The following PARP14 variants were observed in gnomAD, a reference collection of about 807,000 sequenced individuals.
PARP14 encodes protein mono-ADP-ribosyltransferase PARP14.
Under a neutral mutation model 154.2 loss-of-function variants are expected in PARP14, and 59 were observed. The observed-to-expected ratio is 0.38, with a 90% CI of 0.31 to 0.48. The LOEUF (loss-of-function observed/expected upper bound fraction) is 0.48. Among genes scored for constraint, PARP14 ranks in the 20% least tolerant of loss-of-function variants. PARP14 has a pLI of 0.98. For missense variants in PARP14, 1,734 were observed against 2,131.6 expected (o/e 0.81, Z 3.67); for synonymous variants, 720 against 780.5 (o/e 0.92, Z 1.29).
rs139886591 is a variant in PARP14, at chr3:122,691,397, G to A, written c.356-904G>A. On this transcript the variant is annotated intron_variant, in intron 3 of 16. Coordinates refer to ENST00000474629, the MANE Select transcript of PARP14 (RefSeq NM_017554.3). The stretch of plus-strand genomic sequence containing the variant: ...TGTGTATGTGTAACTCATTTTTACA[G>A]TCAACAGTGGAGAGGAATGAGTCAG... Among the ~76,000 whole-genome samples the A allele has an allele frequency of 1.2e-4, 18 of 152,338 alleles. No individual in the cohort carries two copies. The East Asian group carries it at 3.3e-3, about 28-fold the overall frequency.
chr3:122,721,228 C>A, intron 15 of PARP14: 1 of 230,058 alleles, frequency 4.3e-6, no homozygotes. Flanking sequence ...CAATAGCTCC[C>A]AAATCAACAT....
Position 122,680,959 on chromosome 3 carries a change from A to G in PARP14, c.76A>G (p.Lys26Glu). Residue 26 changes from lysine to glutamate, a missense_variant, in exon 1 of 17, where the codon AAG (lysine) becomes GAG (glutamate). By Grantham distance (56) the Lys-to-Glu change is moderately conservative. This residue lies in a region of PARP14 where 1,646 missense variants were observed against 1,976.0 expected (regional missense o/e 0.83). Coordinates refer to ENST00000474629, the MANE Select transcript of PARP14 (RefSeq NM_017554.3). ...CGACCCCCCGAAGAACTTGAACACCAAGTTGCAGATGTACTTCCAGAGCCC... is the reference window on the plus strand; with the variant it reads ...CGACCCCCCGAAGAACTTGAACACCGAGTTGCAGATGTACTTCCAGAGCCC... ...GPDPPKNLNTKLQMYFQSPKR... is the reference protein window; with the variant it reads ...GPDPPKNLNTELQMYFQSPKR... 6.2e-7 allele frequency: 1 copy of G among 1,613,574 alleles called. No individual in the cohort carries two copies. The highest frequency in any genetic ancestry group is 8.5e-7 in the Non-Finnish European group (1 of 1,179,648).
chr3:122,719,849 A>C (rs551350834), intron 14 of PARP14, among the ~76,000 whole-genome samples: 48 of 152,326 alleles, frequency 3.2e-4, no homozygotes, highest in African/African-American at 1.1e-3. Flanking sequence ...TCTGGCAAAA[A>C]TCCATGCACA....
Position 122,728,460 on chromosome 3 carries a change from G to C in PARP14, c.5269G>C (p.Val1757Leu), listed in dbSNP as rs1406476791. The C allele has an allele frequency of 6.2e-7, 1 of 1,613,776 alleles. No individual in the cohort carries two copies. Among genetic ancestry groups the C allele is most frequent in the Non-Finnish European group, 8.5e-7 (1 of 1,179,846 alleles). Residue 1757 changes from valine (V) to leucine (L), a missense_variant, in exon 17 of 17, where the codon GTG becomes CTG. This residue lies in a region of PARP14 where 88 missense variants were observed against 155.6 expected (regional missense o/e 0.57). Transcript: ENST00000474629. Reference protein sequence around the residue: ...IYTHGNHSLIVPPSKNPQNPT... With the variant: ...IYTHGNHSLILPPSKNPQNPT... ...TACACATGGAAATCATTCATTAATT[G>C]TGCCTCCTTCAAAGAACCCTCAAAA...
chr3:122,682,086 G>C (rs790106), intron 1 of PARP14, among the ~76,000 whole-genome samples: 34,151 of 152,150 alleles, frequency 0.22, 5,257 homozygotes, highest in East Asian at 0.48. Flanking sequence ...ATGGCGCACA[G>C]AAGGAAGGAA....
chr3:122,690,869 G>C (rs189130730), intron 3 of PARP14, among the ~76,000 whole-genome samples: 31 of 152,328 alleles, frequency 2.0e-4, no homozygotes, highest in Middle Eastern at 3.4e-3. Context: ...CAGCTGTGAT[G>C]GTGGTGGGAG....
chr3:122,723,186 C>G (rs770069488), intron 15 of PARP14, among the ~76,000 whole-genome samples: 4 of 152,052 alleles, frequency 2.6e-5, no homozygotes, highest in East Asian at 1.9e-4. Context: ...GTGATCCCCC[C>G]GCCTGGGCCT....
chr3:122,692,479 T>A lies in PARP14; in HGVS notation c.534T>A (p.Asp178Glu). ...AGAACATAAGTGGCCTGTCTAATGATGACTTTCAAGTGGAAATAATAAGAG... is the reference window on the plus strand; with the variant it reads ...AGAACATAAGTGGCCTGTCTAATGAAGACTTTCAAGTGGAAATAATAAGAG... ...LVENISGLSNDDFQVEIIRDF... is the reference protein window; with the variant it reads ...LVENISGLSNEDFQVEIIRDF... Residue 178 changes from aspartate (D) to glutamate (E), a missense_variant, in exon 4 of 17, where the codon GAT (aspartate) becomes GAA (glutamate). Asp to Glu is a conservative substitution (Grantham distance 45). Coordinates refer to ENST00000474629, the MANE Select transcript of PARP14 (RefSeq NM_017554.3). 1.9e-6 allele frequency: 3 copies of A among 1,613,212 alleles called. No homozygotes were observed. Among genetic ancestry groups the A allele is most frequent in the Non-Finnish European group, 2.5e-6 (3 of 1,179,238 alleles).
chr3:122,728,871 G>A lies in PARP14; in HGVS notation c.*274G>A. On this transcript the variant is annotated 3_prime_UTR_variant, in exon 17 of 17. Transcript: ENST00000474629. ...ACATCAAATCTGTGGGAAAAGAACA[G>A]GTTTGTATTTTCAGGAAGGAGAGAA... 2.7e-6 allele frequency: 1 copy of A among 370,060 alleles called. No individual in the cohort carries two copies. Among genetic ancestry groups the A allele is most frequent in the South Asian group, 2.9e-5 (1 of 34,682 alleles). 22.9% of individuals were successfully genotyped at this position (370,060 alleles called of 1,614,324 possible).
chr3:122,693,746 T>C (rs1032094264), intron 4 of PARP14, among the ~76,000 whole-genome samples: 2 of 149,830 alleles, frequency 1.3e-5, no homozygotes, highest in African/African-American at 4.9e-5. Context: ...GAGGCTGAGG[T>C]GGAAGGATCA....
chr3:122,720,162 G>C, intron 14 of PARP14, 93 bp from the exon 15 acceptor site: 1 of 1,260,976 alleles, frequency 7.9e-7, no homozygotes, highest in South Asian at 1.3e-5. Flanking sequence ...TGAATGCTTA[G>C]AATTGGGAGA....
intron 12 of PARP14, among the ~76,000 whole-genome samples, 189 bp downstream of exon 12, chr3:122,714,618 AAG>A (rs1932938414): frequency 6.6e-6 from 1 of 152,196 alleles, no homozygotes; most frequent in Non-Finnish European, 1.5e-5. Flanking sequence ...GTTTGAGTAA[AAG>A]AGGGACAAAA....
chr3:122,718,157 G>GATCC lies in PARP14; in HGVS notation c.4087_4088insATCC (p.Val1363AspfsTer6). ...TGTCCAGAAAGGATCAGCCCAGTCT[G>GATCC]TGAAAAAAGTTAAAGTTGTTATCTT... On this transcript the variant is annotated frameshift_variant, in exon 13 of 17. Coordinates refer to ENST00000474629, the MANE Select transcript of PARP14 (RefSeq NM_017554.3). LOFTEE classifies it high-confidence loss of function. 6.2e-7 allele frequency: 1 copy of GATCC among 1,613,764 alleles called. No homozygotes were observed.
intron 12 of PARP14, 33 bp downstream of exon 12, chr3:122,714,462 C>T (rs1447382268): frequency 6.0e-6 from 9 of 1,503,552 alleles, no homozygotes; most frequent in Non-Finnish European, 7.1e-6. Context: ...GGCTAAATCC[C>T]AAGCCATCTA....
In PARP14 at chr3:122,730,369, G is replaced by A. The variant is rs556465866; in HGVS notation, c.*1772G>A. On this transcript the variant is annotated 3_prime_UTR_variant, in exon 17 of 17. Transcript: ENST00000474629. ...CTTCATTGGAAGCTCTGTAGGCCAA[G>A]GCCAGAGCTGATACTGACACGGAGC... The A allele has an allele frequency of 6.6e-6, 1 of 152,342 alleles. No homozygotes were observed. Among genetic ancestry groups the A allele is most frequent in the East Asian group, 1.9e-4 (1 of 5,190 alleles). 9.4% of individuals were successfully genotyped at this position (152,342 alleles called of 1,614,324 possible).
Position 122,718,740 on chromosome 3 carries a change from G to C in PARP14, c.4589G>C (p.Cys1530Ser), listed in dbSNP as rs760901456. ...LAKEQESRADCISEFIEWQYN... is the reference protein window; with the variant it reads ...LAKEQESRADSISEFIEWQYN... The stretch of plus-strand genomic sequence containing the variant: ...AAAGAACAGGAATCCCGGGCAGATT[G>C]TATCAGTGAGTTTATAGAATGGCAG... The change falls in exon 14 of 17, where the codon TGT becomes TCT. Residue 1530 changes from cysteine to serine, a missense_variant. Physicochemically the swap from Cys to Ser is moderately radical, Grantham distance 112 (BLOSUM62 -1). Coordinates refer to ENST00000474629, the MANE Select transcript of PARP14 (RefSeq NM_017554.3). The C allele has an allele frequency of 2.0e-5, 32 of 1,613,304 alleles. No individual in the cohort carries two copies. Among genetic ancestry groups the C allele is most frequent in the Non-Finnish European group, 2.7e-5 (32 of 1,179,622 alleles).
At chr3:122,715,595 C>CATCTATCTATCTATCTATCT (rs56863397) in intron 12 of PARP14, among the ~76,000 whole-genome samples, 5 of 142,468 alleles carry the variant, frequency 3.5e-5, no homozygotes, top group South Asian at 2.3e-4. Context: ...CTCTACCAGT[C>CATCTATCTATCTATCTATCT]ATCTATCTAT....
At chr3:122,723,102 AT>A (rs975776945) in intron 15 of PARP14, among the ~76,000 whole-genome samples, 2 of 150,948 alleles carry the variant, frequency 1.3e-5, no homozygotes, top group East Asian at 1.9e-4. Flanking sequence ...CACCCGGCTA[AT>A]TTTTTTTTGT....
chr3:122,723,913 C>CA (rs138328130), intron 15 of PARP14, among the ~76,000 whole-genome samples: 1,756 of 152,160 alleles, frequency 0.012, 15 homozygotes, highest in Non-Finnish European at 0.019. Flanking sequence ...TGTTATTTGG[C>CA]ATTTTTTTGA....
Sources: gnomAD v4.1 joint callset for allele counts (sites outside exome capture counted in the v4.1 genomes callset) on GRCh38, gnomAD v4.1.1 for gene constraint, gnomAD v4.1.1 regional missense constraint, MANE v1.5 for transcripts, NCBI Gene and HGNC (gene_info 2026-07-23, HGNC 2026-07-21) for gene names.